The following COG5 variants were observed in gnomAD, a reference collection of about 807,000 sequenced individuals.
COG5 encodes component of oligomeric golgi complex 5, also known as conserved oligomeric Golgi complex subunit 5.
Under a neutral mutation model 110.4 loss-of-function variants are expected in COG5, and 86 were observed. That is an observed-to-expected ratio of 0.78 (90% CI 0.65 to 0.93). COG5 has a LOEUF of 0.93. COG5 is among the 40% of genes least tolerant of loss of function. The pLI is 0.00. For synonymous variants in COG5, 360 were observed against 334.6 expected (o/e 1.08, Z -0.83); for missense variants, 1,077 against 987.0 (o/e 1.09, Z -1.22).
intron 12 of COG5, among the ~76,000 whole-genome samples, chr7:107,295,540 T>C (rs1806666971): frequency 2.0e-5 from 3 of 152,140 alleles, no homozygotes; most frequent in Admixed American, 2.0e-4. Flanking sequence ...ATTTTCTCTT[T>C]TCTTTCTTAC....
chr7:107,467,281 C>T (rs1796350884), intron 6 of COG5, among the ~76,000 whole-genome samples: 1 of 152,038 alleles, frequency 6.6e-6, no homozygotes, highest in Non-Finnish European at 1.5e-5. Context: ...ATATTAATTG[C>T]ACAAAATATA....
intron 11 of COG5, among the ~76,000 whole-genome samples, chr7:107,322,302 C>T (rs1191517327): frequency 6.6e-6 from 1 of 152,114 alleles, no homozygotes; most frequent in African/African-American, 2.4e-5. Flanking sequence ...TTTTCTAACA[C>T]GTGAGGACAC....
intron 7 of COG5, among the ~76,000 whole-genome samples, chr7:107,379,858 A>G (rs944137815): frequency 4.6e-5 from 7 of 151,946 alleles, no homozygotes; most frequent in African/African-American, 1.7e-4. Flanking sequence ...CACTGTCAAT[A>G]TGAGATCAAC....
chr7:107,473,691 C>T (rs1421428395), intron 6 of COG5, among the ~76,000 whole-genome samples: 1 of 151,868 alleles, frequency 6.6e-6, no homozygotes, highest in Non-Finnish European at 1.5e-5. Flanking sequence ...AGACACTGGG[C>T]TGAAATTAAT....
chr7:107,380,075 T>C (rs1349396767), intron 7 of COG5, among the ~76,000 whole-genome samples: 2 of 152,192 alleles, frequency 1.3e-5, no homozygotes, highest in African/African-American at 4.8e-5. Flanking sequence ...TAACAGTCTC[T>C]CAGACCACAG....
intron 6 of COG5, among the ~76,000 whole-genome samples, chr7:107,464,741 G>T (rs1796197391): frequency 6.6e-6 from 1 of 152,086 alleles, no homozygotes; most frequent in Admixed American, 6.6e-5. Flanking sequence ...CCAAAGAACT[G>T]TATTACCCAT....
chr7:107,533,477 C>A (rs1801357203), intron 5 of COG5, among the ~76,000 whole-genome samples: 1 of 151,334 alleles, frequency 6.6e-6, no homozygotes, highest in African/African-American at 2.5e-5. Flanking sequence ...ACATAAATGA[C>A]CTGATTGAGC....
At chr7:107,286,945 T>C (rs772044378) in intron 12 of COG5, among the ~76,000 whole-genome samples, 15 of 152,198 alleles carry the variant, frequency 9.9e-5, no homozygotes, top group Non-Finnish European at 2.2e-4. Flanking sequence ...GAAAAAGATA[T>C]GTCAGCATAA....
intron 7 of COG5, among the ~76,000 whole-genome samples, chr7:107,387,405 C>G (rs903184740): frequency 4.6e-5 from 7 of 152,338 alleles, no homozygotes; most frequent in South Asian, 4.1e-4. Flanking sequence ...GGCTGCCACC[C>G]TGGGGCCCAC....
chr7:107,496,154 T>C (rs892799214), intron 6 of COG5, among the ~76,000 whole-genome samples: 14 of 151,972 alleles, frequency 9.2e-5, no homozygotes, highest in African/African-American at 3.4e-4. Context: ...ACGGAATGCT[T>C]CCTAACTCAG....
intron 11 of COG5, among the ~76,000 whole-genome samples, chr7:107,309,482 G>T (rs900587025): frequency 9.9e-5 from 15 of 152,162 alleles, no homozygotes; most frequent in Non-Finnish European, 2.9e-5. Context: ...GTAGGCAGAA[G>T]CTTTTTGCAG....
At chr7:107,479,793 C>T (rs1179103506) in intron 6 of COG5, among the ~76,000 whole-genome samples, 1 of 152,020 alleles carries the variant, frequency 6.6e-6, no homozygotes, top group Non-Finnish European at 1.5e-5. Flanking sequence ...ATGAAAATTT[C>T]GAATTGACGT....
intron 7 of COG5, among the ~76,000 whole-genome samples, chr7:107,411,872 T>A (rs879616503): frequency 5.3e-5 from 8 of 152,090 alleles, no homozygotes; most frequent in Non-Finnish European, 1.2e-4. Context: ...AATATCTGGG[T>A]ATAATACAAG....
At chr7:107,259,875 G>C (rs1018638801) in intron 14 of COG5, among the ~76,000 whole-genome samples, 2 of 152,016 alleles carry the variant, frequency 1.3e-5, no homozygotes, top group Non-Finnish European at 2.9e-5. Flanking sequence ...TCAAAGTATA[G>C]ACAGGTCCAA....
chr7:107,374,107 T>C (rs1814426622), intron 7 of COG5, among the ~76,000 whole-genome samples: 1 of 152,124 alleles, frequency 6.6e-6, no homozygotes, highest in Non-Finnish European at 1.5e-5. Flanking sequence ...TAATTTAGTA[T>C]GGTCATAATA....
chr7:107,245,342 C>T (rs892889374), intron 17 of COG5, among the ~76,000 whole-genome samples: 6 of 152,118 alleles, frequency 3.9e-5, no homozygotes, highest in African/African-American at 1.2e-4. Flanking sequence ...CTATTCAACA[C>T]AGTATTGGAG....
At chr7:107,294,930 T>TACACAC (rs1290144852) in intron 12 of COG5, among the ~76,000 whole-genome samples, 14 of 100,930 alleles carry the variant, frequency 1.4e-4, no homozygotes, top group African/African-American at 4.7e-4. Context: ...TGTGTATATA[T>TACACAC]ACACACACAC....
chr7:107,548,960 C>T (rs1441769847), intron 3 of COG5, among the ~76,000 whole-genome samples: 1 of 152,178 alleles, frequency 6.6e-6, no homozygotes, highest in African/African-American at 2.4e-5. Flanking sequence ...CTATATCCAA[C>T]TGGCATAGTT....
intron 6 of COG5, among the ~76,000 whole-genome samples, chr7:107,458,797 T>C (rs1361947423): frequency 1.3e-5 from 2 of 152,094 alleles, no homozygotes; most frequent in Non-Finnish European, 2.9e-5. Context: ...AAGTCAAAGT[T>C]GCAGTGAGCC....
Sources: gnomAD v4.1 joint callset for allele counts (sites outside exome capture counted in the v4.1 genomes callset) on GRCh38, gnomAD v4.1.1 for gene constraint, MANE v1.5 for transcripts, NCBI Gene and HGNC (gene_info 2026-07-23, HGNC 2026-07-21) for gene names.